Variants in SPARCL1 observed in about 807,000 individuals in gnomAD.
SPARCL1 encodes SPARC-like protein 1.
Under a neutral mutation model 67.1 loss-of-function variants are expected in SPARCL1, and 52 were observed. That is an observed-to-expected ratio of 0.78 (90% CI 0.62 to 0.98). The LOEUF is 0.98. Among genes scored for constraint, SPARCL1 ranks in the 50% least tolerant of loss-of-function variants. SPARCL1 has a pLI of 0.00. For synonymous variants in SPARCL1, 226 were observed against 267.8 expected (o/e 0.84, Z 1.52); for missense variants, 717 against 782.4 (o/e 0.92, Z 1.00).
At chr4:87,498,690 GC>G (rs1191716679) in intron 2 of SPARCL1, among the ~76,000 whole-genome samples, 1 of 152,148 alleles carries the variant, frequency 6.6e-6, no homozygotes, top group Non-Finnish European at 1.5e-5. Context: ...TTCTAGCCCT[GC>G]CTACTTTCAG....
intron 1 of SPARCL1, among the ~76,000 whole-genome samples, chr4:87,512,363 A>AC (rs1725400302): frequency 6.6e-6 from 1 of 151,900 alleles, no homozygotes; most frequent in Non-Finnish European, 1.5e-5. Flanking sequence ...AACAATGATG[A>AC]CCCCCAGTAA....
chr4:87,494,705 G>A, intron 3 of SPARCL1, 107 bp from the exon 4 acceptor site: 1 of 974,012 alleles, frequency 1.0e-6, no homozygotes, highest in Non-Finnish European at 1.5e-6. Context: ...ACACTATCAT[G>A]TAAACATGTT....
intron 1 of SPARCL1, among the ~76,000 whole-genome samples, chr4:87,524,629 G>A (rs1157295426): frequency 6.6e-6 from 1 of 152,040 alleles, no homozygotes; most frequent in African/African-American, 2.4e-5. Context: ...CCCTTGCTAT[G>A]TAAACCCCTA....
intron 10 of SPARCL1, among the ~76,000 whole-genome samples, chr4:87,474,822 A>G (rs1016788959): frequency 6.8e-6 from 1 of 146,476 alleles, no homozygotes; most frequent in African/African-American, 2.6e-5. Flanking sequence ...GGCTCACTGC[A>G]AGCTCCGCCT....
chr4:87,487,127 C>T (rs1724109988), intron 7 of SPARCL1, among the ~76,000 whole-genome samples: 1 of 151,602 alleles, frequency 6.6e-6, no homozygotes, highest in African/African-American at 2.4e-5. Context: ...GAATTTGATC[C>T]TGTCATTATG....
intron 1 of SPARCL1, chr4:87,504,942 A>G (rs930808778): frequency 6.6e-6 from 1 of 152,246 alleles, no homozygotes; most frequent in African/African-American, 2.4e-5. Context: ...GGCAAAAAGC[A>G]TAGGAATTCA....
At chr4:87,488,554 G>A (rs1250889795) in intron 7 of SPARCL1, among the ~76,000 whole-genome samples, 2 of 152,226 alleles carry the variant, frequency 1.3e-5, no homozygotes, top group Non-Finnish European at 2.9e-5. Context: ...GTTTCTCCCA[G>A]TCAGGAGGCA....
At chr4:87,480,236 T>C (rs1723755979) in intron 9 of SPARCL1, 136 bp downstream of exon 9, 3 of 605,274 alleles carry the variant, frequency 5.0e-6, no homozygotes. Context: ...GTGTTTAGAC[T>C]CCTAACCAGG....
At chr4:87,495,202 G>T (rs890187863) in intron 2 of SPARCL1, 75 bp from the exon 3 acceptor site, 2 of 1,256,904 alleles carry the variant, frequency 1.6e-6, no homozygotes, top group Non-Finnish European at 2.3e-6. Context: ...TACTCTTGTT[G>T]TCATCATTAT....
chr4:87,499,805 C>G (rs151247642), intron 1 of SPARCL1, among the ~76,000 whole-genome samples: 2 of 152,076 alleles, frequency 1.3e-5, no homozygotes, highest in African/African-American at 2.4e-5. Context: ...CGGCCATGTT[C>G]GGCAGAACCT....
At chr4:87,509,838 G>T (rs116012858) in intron 1 of SPARCL1, among the ~76,000 whole-genome samples, 1,747 of 152,320 alleles carry the variant, frequency 0.011, 41 homozygotes, top group African/African-American at 0.04. Context: ...CAGGGGTGAT[G>T]ATATAACCAG....
rs191436063 is a variant in SPARCL1 at position 87,499,608 on chromosome 4, T to C, written c.-11-23A>G. The C allele has an allele frequency of 3.5e-5, 55 of 1,561,098 alleles. 1 individual carries two copies. Among genetic ancestry groups the C allele is most frequent in the East Asian group, 2.5e-4 (11 of 43,536 alleles). ...GATCTGTGAACCAAGAAGATAATTA[T>C]CAGTGGCAGGGAAAAGTTTCCTCAT... is the stretch of plus-strand genomic sequence containing the variant. On this transcript the variant is annotated intron_variant, in intron 1 of 10. Transcript: ENST00000282470.
At position 87,528,475 on chromosome 4, in the gene SPARCL1, G is replaced by C. The variant is rs1429394280; in HGVS notation, c.-12+570C>G. Reference sequence around the variant, plus strand: ...TAATTAGTTATAAAGCTGTAAAAGGGAACCAAGAAAGGGAAAATAATCGCA... The same window carrying C: ...TAATTAGTTATAAAGCTGTAAAAGGCAACCAAGAAAGGGAAAATAATCGCA... On this transcript the variant is annotated intron_variant, in intron 1 of 10. Coordinates refer to ENST00000282470, the MANE Select transcript of SPARCL1 (RefSeq NM_004684.6). 5.3e-5 allele frequency: 8 copies of C among 152,092 alleles called. No homozygotes were observed. In the South Asian group the frequency reaches 8.3e-4, roughly 16 times the overall value. 9.4% of individuals were successfully genotyped at this position (152,092 alleles called of 1,614,324 possible).
rs763732623 is a variant in SPARCL1 at position 87,494,317 on chromosome 4, C to T, written c.483G>A (p.Glu161=). 13 of 1,614,028 alleles carry T rather than the reference C, an allele frequency of 8.1e-6. No individual in the cohort carries two copies. Among genetic ancestry groups the T allele is most frequent in the Admixed American group, 1.7e-5 (1 of 59,986 alleles). The change falls in exon 4 of 11, where the codon GAG becomes GAA. Residue 161 remains glutamate (E), a synonymous_variant. Coordinates refer to ENST00000282470, the MANE Select transcript of SPARCL1 (RefSeq NM_004684.6). ...AATTTCTAGGTTGTTCTTGGTTTTCCTCTCTCTTTGTGATACTTTCTTGTT... is the reference window on the plus strand; with the variant it reads ...AATTTCTAGGTTGTTCTTGGTTTTCTTCTCTCTTTGTGATACTTTCTTGTT... ...SNQQESITKR[E]ENQEQPRNYS... is the part of the protein sequence containing the mutation.
chr4:87,476,588 C>A (rs1723594593), intron 10 of SPARCL1, among the ~76,000 whole-genome samples: 1 of 152,202 alleles, frequency 6.6e-6, no homozygotes, highest in South Asian at 2.1e-4. Context: ...GAACTTGCGT[C>A]ATCTGAGTTG....
chr4:87,517,490 T>C (rs1276316173), intron 1 of SPARCL1, among the ~76,000 whole-genome samples: 2 of 152,194 alleles, frequency 1.3e-5, no homozygotes, highest in Admixed American at 6.5e-5. Flanking sequence ...GCCTAGCCCC[T>C]GTAATTATCA....
At chr4:87,499,475 A>G in intron 2 of SPARCL1, 46 bp downstream of exon 2, 1 of 1,455,264 alleles carries the variant, frequency 6.9e-7, no homozygotes, top group East Asian at 2.3e-5. Flanking sequence ...TTTCTGCATT[A>G]AATGTCAGGA....
chr4:87,479,094 C>G (rs1281023887), intron 10 of SPARCL1, among the ~76,000 whole-genome samples: 1 of 152,008 alleles, frequency 6.6e-6, no homozygotes, highest in African/African-American at 2.4e-5. Flanking sequence ...GGCCCAAGGC[C>G]CAGGTTAAGG....
intron 1 of SPARCL1, among the ~76,000 whole-genome samples, chr4:87,511,190 T>C (rs1725337631): frequency 6.6e-6 from 1 of 152,168 alleles, no homozygotes. Flanking sequence ...AATGGGTTGC[T>C]CATTTACCAA....
Sources: allele counts gnomAD v4.1 joint callset (sites outside exome capture counted in the v4.1 genomes callset), GRCh38; gene constraint gnomAD v4.1.1; transcripts MANE v1.5; gene names NCBI Gene and HGNC (gene_info 2026-07-23, HGNC 2026-07-21).